Variants in PACRG observed in about 807,000 individuals in gnomAD.
PACRG encodes parkin coregulated, also known as parkin coregulated gene protein.
In PACRG, 29 loss-of-function variants were observed where a neutral mutation model predicts 29.7. The ratio of observed to expected loss-of-function variants is 0.98; its 90% CI spans 0.73 to 1.33. The LOEUF (loss-of-function observed/expected upper bound fraction) is 1.33. Ranked by LOEUF, PACRG falls within the 40% of genes most tolerant of loss-of-function variation. The pLI, the probability that PACRG is intolerant of heterozygous loss-of-function variation, is 0.00. For synonymous variants in PACRG, 116 were observed against 118.7 expected, an observed-to-expected ratio of 0.98 and a Z score of 0.15; for missense variants, 279 against 316.2, an observed-to-expected ratio of 0.88 and a Z score of 0.89.
At chr6:163,173,098 C>T (rs1779165635) in intron 4 of PACRG, among the ~76,000 whole-genome samples, 1 of 152,188 alleles carries the variant, frequency 6.6e-6, no homozygotes, top group South Asian at 2.1e-4. Context: ...AAAATATGTG[C>T]TTGTGTGAAT....
At chr6:162,751,019 C>T (rs1467162672) in intron 1 of PACRG, among the ~76,000 whole-genome samples, 1 of 152,148 alleles carries the variant, frequency 6.6e-6, no homozygotes, top group Non-Finnish European at 1.5e-5. Context: ...CCTTTACCTT[C>T]GTTTACAAAT....
chr6:162,795,955 A>G lies in PACRG; in HGVS notation c.157-18192A>G, dbSNP rs555715526. On this transcript the variant is annotated intron_variant, in intron 1 of 4. Transcript: ENST00000366888. ...CATGCTAGTACCTTACTAAGTTTCTATGTTACTTACCAATTTTCAGGTGGT... is the reference window on the plus strand; with the variant it reads ...CATGCTAGTACCTTACTAAGTTTCTGTGTTACTTACCAATTTTCAGGTGGT... Among the ~76,000 whole-genome samples the G allele has an allele frequency of 8.5e-5, 13 of 152,268 alleles. No homozygotes were observed. The East Asian group carries it at 2.5e-3, about 29-fold the overall frequency.
chr6:163,253,316 GGAAA>G (rs1387587484), intron 4 of PACRG, among the ~76,000 whole-genome samples: 5 of 145,444 alleles, frequency 3.4e-5, no homozygotes, highest in African/African-American at 1.3e-4. Flanking sequence ...AAAAAAAAAA[GGAAA>G]GAAAGAAAGA....
At chr6:163,218,255 A>G (rs1360573080) in intron 4 of PACRG, among the ~76,000 whole-genome samples, 6 of 152,198 alleles carry the variant, frequency 3.9e-5, no homozygotes, top group Non-Finnish European at 5.9e-5. Flanking sequence ...GGATACAGCA[A>G]TCTCTGTGCA....
intron 4 of PACRG, among the ~76,000 whole-genome samples, chr6:163,280,013 G>C (rs1341399735): frequency 6.6e-6 from 1 of 152,180 alleles, no homozygotes; most frequent in Non-Finnish European, 1.5e-5. Flanking sequence ...GGAAGCTTCT[G>C]AGTGAGCCCT....
chr6:163,267,196 C>A (rs919573842), intron 4 of PACRG, among the ~76,000 whole-genome samples: 6 of 152,188 alleles, frequency 3.9e-5, no homozygotes, highest in Admixed American at 3.9e-4. Context: ...AACTCTTCAT[C>A]CTGGGACCAC....
intron 2 of PACRG, among the ~76,000 whole-genome samples, chr6:162,908,904 G>A (rs1377826258): frequency 6.6e-6 from 1 of 152,096 alleles, no homozygotes; most frequent in African/African-American, 2.4e-5. Context: ...TTATTGGACT[G>A]TCATTCCATG....
At chr6:163,211,143 C>G (rs957008578) in intron 4 of PACRG, among the ~76,000 whole-genome samples, 1 of 152,146 alleles carries the variant, frequency 6.6e-6, no homozygotes, top group South Asian at 2.1e-4. Context: ...ACCATTATGA[C>G]AGCAACACTT....
chr6:162,917,742 C>T (rs1796791966), intron 2 of PACRG, among the ~76,000 whole-genome samples: 1 of 152,110 alleles, frequency 6.6e-6, no homozygotes. Context: ...CATATCCTGT[C>T]CACCCACTCC....
At chr6:163,113,425 A>T (rs1266628168) in intron 4 of PACRG, among the ~76,000 whole-genome samples, 1 of 152,208 alleles carries the variant, frequency 6.6e-6, no homozygotes, top group African/African-American at 2.4e-5. Flanking sequence ...AGTAGGATGA[A>T]CTCAAAGAGA....
chr6:162,784,933 CT>C (rs761841002), intron 1 of PACRG, among the ~76,000 whole-genome samples: 10 of 152,042 alleles, frequency 6.6e-5, no homozygotes, highest in Non-Finnish European at 1.5e-4. Context: ...GATCAAAATC[CT>C]TACAGGTTTG....
At chr6:163,214,414 G>C (rs1370012948) in intron 4 of PACRG, among the ~76,000 whole-genome samples, 1 of 151,938 alleles carries the variant, frequency 6.6e-6, no homozygotes, top group Non-Finnish European at 1.5e-5. Flanking sequence ...TTCCAGAAAA[G>C]GTCACATTGA....
chr6:163,013,679 A>G (rs1805825940), intron 2 of PACRG, among the ~76,000 whole-genome samples: 1 of 152,186 alleles, frequency 6.6e-6, no homozygotes, highest in Non-Finnish European at 1.5e-5. Flanking sequence ...CTGGTGCTGC[A>G]TTAGTATAAA....
chr6:162,888,150 G>T (rs1290553189), intron 2 of PACRG, among the ~76,000 whole-genome samples: 1 of 151,802 alleles, frequency 6.6e-6, no homozygotes, highest in African/African-American at 2.4e-5. Context: ...GTGGGCTGGG[G>T]TGGTCTCATC....
At chr6:162,940,165 G>A (rs755884602) in intron 2 of PACRG, among the ~76,000 whole-genome samples, 5 of 152,110 alleles carry the variant, frequency 3.3e-5, no homozygotes, top group African/African-American at 4.8e-5. Context: ...TCATGCTAAC[G>A]CTCAGAGGGG....
chr6:162,967,385 T>G (rs982547845), intron 2 of PACRG, among the ~76,000 whole-genome samples: 3 of 152,246 alleles, frequency 2.0e-5, no homozygotes, highest in African/African-American at 7.2e-5. Flanking sequence ...ATTGTCTACC[T>G]AATTTCATAA....
intron 1 of PACRG, among the ~76,000 whole-genome samples, chr6:162,782,244 C>T (rs191128582): frequency 3.4e-4 from 51 of 151,992 alleles, no homozygotes; most frequent in African/African-American, 1.1e-3. Context: ...GAAACTGACA[C>T]AATTTCATGG....
At chr6:163,042,640 A>G (rs547139974) in intron 2 of PACRG, 7 of 151,692 alleles carry the variant, frequency 4.6e-5, no homozygotes, top group Non-Finnish European at 7.4e-5. Flanking sequence ...ACATTTTTCT[A>G]TGTCATTTGT....
chr6:163,199,833 C>T (rs1780627625), intron 4 of PACRG, among the ~76,000 whole-genome samples: 1 of 152,112 alleles, frequency 6.6e-6, no homozygotes, highest in South Asian at 2.1e-4. Context: ...TGTATGTGTA[C>T]AGATATGTAT....
Sources: allele counts gnomAD v4.1 joint callset (sites outside exome capture counted in the v4.1 genomes callset), GRCh38; gene constraint gnomAD v4.1.1; transcripts MANE v1.5; gene names NCBI Gene and HGNC (gene_info 2026-07-23, HGNC 2026-07-21).